The following MDFIC2 variants were observed in gnomAD, a reference collection of about 807,000 sequenced individuals.
The protein encoded by MDFIC2 is myoD family inhibitor domain-containing protein 2.
At chr3:70,307,301 A>G (rs1702411433) in intron 2 of MDFIC2, among the ~76,000 whole-genome samples, 1 of 152,176 alleles carries the variant, frequency 6.6e-6, no homozygotes, top group African/African-American at 2.4e-5. Flanking sequence ...ATCAGGAGAC[A>G]CTATAAGAAA....
chr3:70,290,824 C>T (rs1702230147), intron 2 of MDFIC2, among the ~76,000 whole-genome samples: 1 of 152,166 alleles, frequency 6.6e-6, no homozygotes, highest in Non-Finnish European at 1.5e-5. Flanking sequence ...CCCGATTTTC[C>T]AGGTGCGGTC....
At chr3:70,290,091 C>T (rs199980594) in intron 2 of MDFIC2, among the ~76,000 whole-genome samples, 6,023 of 152,232 alleles carry the variant, frequency 0.04, 180 homozygotes, top group South Asian at 0.079. Flanking sequence ...AGCTTTGTTC[C>T]GTTGCTGGTG....
chr3:70,265,292 G>C (rs1467708744), intron 2 of MDFIC2, among the ~76,000 whole-genome samples: 4 of 152,120 alleles, frequency 2.6e-5, no homozygotes, highest in Admixed American at 6.5e-5. Context: ...GAAGAAGGGA[G>C]AAAAAACTAA....
intron 2 of MDFIC2, among the ~76,000 whole-genome samples, chr3:70,263,030 T>A (rs1387681889): frequency 6.6e-6 from 1 of 152,230 alleles, no homozygotes; most frequent in Non-Finnish European, 1.5e-5. Flanking sequence ...CTAAAAATTT[T>A]ATTTCATTTA....
intron 2 of MDFIC2, among the ~76,000 whole-genome samples, chr3:70,218,021 G>A (rs1559537629): frequency 6.6e-6 from 1 of 152,136 alleles, no homozygotes; most frequent in African/African-American, 2.4e-5. Flanking sequence ...GAACAGAGGA[G>A]CAAATCATAT....
At chr3:70,239,178 C>A (rs916226251) in intron 2 of MDFIC2, among the ~76,000 whole-genome samples, 1 of 152,074 alleles carries the variant, frequency 6.6e-6, no homozygotes, top group Non-Finnish European at 1.5e-5. Flanking sequence ...TAGGAATTTA[C>A]GTATGTTATG....
At chr3:70,255,432 T>C (rs1701806914) in intron 2 of MDFIC2, among the ~76,000 whole-genome samples, 1 of 152,190 alleles carries the variant, frequency 6.6e-6, no homozygotes, top group South Asian at 2.1e-4. Flanking sequence ...GTAATTTTTT[T>C]TTCTTCTTTA....
Position 70,195,944 on chromosome 3 carries a change from A to T in MDFIC2, c.*982T>A, listed in dbSNP as rs1439556726. On this transcript the variant is annotated 3_prime_UTR_variant, in exon 4 of 4. Coordinates refer to ENST00000567252, the MANE Select transcript of MDFIC2 (RefSeq NM_001364677.1). ...TAAGTACTTGACATAATTATTGATC[A>T]CTTTAATTATCAGACAAAGAAAAAC... Among the ~76,000 whole-genome samples, 1 of 152,200 alleles carries T rather than the reference A, an allele frequency of 6.6e-6. No individual in the cohort carries two copies. The highest frequency in any genetic ancestry group is 6.5e-5 in the Admixed American group (1 of 15,280).
At chr3:70,301,670 A>G (rs1244049452) in intron 2 of MDFIC2, among the ~76,000 whole-genome samples, 2 of 152,252 alleles carry the variant, frequency 1.3e-5, no homozygotes, top group East Asian at 1.9e-4. Flanking sequence ...TTTTAAGACA[A>G]ACGTGAAGTG....
intron 2 of MDFIC2, among the ~76,000 whole-genome samples, chr3:70,237,853 C>T (rs542659882): frequency 6.6e-6 from 1 of 152,118 alleles, no homozygotes; most frequent in Admixed American, 6.5e-5. Context: ...ACTGAAAGTG[C>T]CCCTTAATCA....
rs1367490784 is a variant in MDFIC2, at chr3:70,295,532, G to A, written c.88+16354C>T. ...GGCCTGGGAAACATAGTGAGATCCCGTCTCTACAAAAAAGTTAAAAATGAG... is the reference window on the plus strand; with the variant it reads ...GGCCTGGGAAACATAGTGAGATCCCATCTCTACAAAAAAGTTAAAAATGAG... On this transcript the variant is annotated intron_variant, in intron 2 of 3. Coordinates refer to ENST00000567252, the MANE Select transcript of MDFIC2 (RefSeq NM_001364677.1). 4.0e-5 allele frequency among the ~76,000 whole-genome samples: 6 copies of A among 151,858 alleles called. No homozygotes were observed. The East Asian group carries it at 9.7e-4, about 25-fold the overall frequency.
intron 3 of MDFIC2, among the ~76,000 whole-genome samples, chr3:70,203,506 G>A (rs748680264): frequency 6.6e-6 from 1 of 152,090 alleles, no homozygotes; most frequent in Non-Finnish European, 1.5e-5. Flanking sequence ...ACTCAAGTCA[G>A]TTCTTTAGAA....
At chr3:70,250,971 T>C (rs1269084043) in intron 2 of MDFIC2, among the ~76,000 whole-genome samples, 1 of 152,166 alleles carries the variant, frequency 6.6e-6, no homozygotes, top group Non-Finnish European at 1.5e-5. Context: ...AGTAATGACA[T>C]CCCAATGTGA....
At chr3:70,216,926 A>G (rs972392096) in intron 2 of MDFIC2, among the ~76,000 whole-genome samples, 9 of 152,138 alleles carry the variant, frequency 5.9e-5, no homozygotes, top group African/African-American at 2.2e-4. Flanking sequence ...CCTTCCCCTC[A>G]CCACCAAAAC....
intron 2 of MDFIC2, among the ~76,000 whole-genome samples, chr3:70,233,438 A>G (rs1310348655): frequency 6.6e-6 from 1 of 152,184 alleles, no homozygotes; most frequent in African/African-American, 2.4e-5. Flanking sequence ...TGGCATTTTG[A>G]TGATAAAGCT....
At chr3:70,281,274 G>GTGTCAAT (rs1418673081) in intron 2 of MDFIC2, among the ~76,000 whole-genome samples, 1 of 152,078 alleles carries the variant, frequency 6.6e-6, no homozygotes, top group Admixed American at 6.6e-5. Context: ...CCCCAGATTC[G>GTGTCAAT]TGTCAATGCC....
At chr3:70,220,564 A>T (rs1701453026) in intron 2 of MDFIC2, among the ~76,000 whole-genome samples, 2 of 152,320 alleles carry the variant, frequency 1.3e-5, no homozygotes, top group South Asian at 4.1e-4. Context: ...ATTTCAACAT[A>T]CAAAACTAAC....
At chr3:70,269,321 G>A (rs1340198793) in intron 2 of MDFIC2, among the ~76,000 whole-genome samples, 2 of 151,996 alleles carry the variant, frequency 1.3e-5, no homozygotes, top group East Asian at 3.8e-4. Flanking sequence ...TTTCACATTC[G>A]AGCTAAAGGT....
In MDFIC2 at chr3:70,194,538, G is replaced by T. The variant is rs1701156652; in HGVS notation, c.*2388C>A. Among the ~76,000 whole-genome samples the T allele has an allele frequency of 6.6e-6, 1 of 152,166 alleles. No homozygotes were observed. The highest frequency in any genetic ancestry group is 1.5e-5 in the Non-Finnish European group (1 of 68,038). On this transcript the variant is annotated 3_prime_UTR_variant, in exon 4 of 4. Transcript: ENST00000567252. ...ATAAAGAAAAGAAATTTCACACTTT[G>T]TATAACCGACCCTTTCTGTTATAGC... is the stretch of plus-strand genomic sequence containing the variant.
Sources: allele counts gnomAD v4.1 joint callset (sites outside exome capture counted in the v4.1 genomes callset), GRCh38; gene constraint gnomAD v4.1.1; transcripts MANE v1.5; gene names NCBI Gene and HGNC (gene_info 2026-07-23, HGNC 2026-07-21).